Variants in FBXL17 observed in about 807,000 individuals in gnomAD.
The protein encoded by FBXL17 is F-box and leucine rich repeat protein 17, also known as F-box/LRR-repeat protein 17.
A neutral mutation model predicts 66.2 loss-of-function variants in FBXL17; 22 were observed. That is an observed-to-expected ratio of 0.33 (90% confidence interval 0.24 to 0.47). FBXL17 has a LOEUF of 0.47. FBXL17 is among the 20% of genes least tolerant of loss of function. FBXL17 has a pLI of 1.00. For synonymous variants in FBXL17, 474 were observed against 400.5 expected, an observed-to-expected ratio of 1.18 and a Z score of -2.19; for missense variants, 878 against 948.2, an observed-to-expected ratio of 0.93 and a Z score of 0.97.
chr5:108,239,139 G>A (rs948554911), intron 4 of FBXL17, among the ~76,000 whole-genome samples: 1 of 152,084 alleles, frequency 6.6e-6, no homozygotes, highest in Non-Finnish European at 1.5e-5. Flanking sequence ...CACTGTAGGA[G>A]GCAGAGCAAG....
intron 6 of FBXL17, among the ~76,000 whole-genome samples, chr5:108,152,614 TCA>T (rs1476678595): frequency 3.9e-5 from 6 of 152,228 alleles, no homozygotes; most frequent in Non-Finnish European, 8.8e-5. Flanking sequence ...ACAGGATCTT[TCA>T]GTCTCATAAA....
chr5:108,213,954 G>C (rs184406250), intron 5 of FBXL17, among the ~76,000 whole-genome samples: 4 of 152,110 alleles, frequency 2.6e-5, no homozygotes, highest in Admixed American at 2.6e-4. Flanking sequence ...CCCAATCTGG[G>C]GCTTGTCTCC....
chr5:107,973,783 C>A (rs1468892753), intron 7 of FBXL17, among the ~76,000 whole-genome samples: 1 of 151,466 alleles, frequency 6.6e-6, no homozygotes, highest in Non-Finnish European at 1.5e-5. Context: ...AGGACTGAAT[C>A]CTGAATATCT....
At chr5:108,155,479 C>T (rs757058951) in intron 6 of FBXL17, among the ~76,000 whole-genome samples, 18 of 152,156 alleles carry the variant, frequency 1.2e-4, no homozygotes, top group Non-Finnish European at 8.8e-5. Context: ...CGCACCACTG[C>T]ACTCCAGCCT....
intron 6 of FBXL17, among the ~76,000 whole-genome samples, chr5:108,059,915 T>C (rs929616994): frequency 6.6e-6 from 1 of 151,806 alleles, no homozygotes. Flanking sequence ...GTTTTTCTAG[T>C]GGAAATGTAT....
At chr5:107,954,288 C>T (rs1185753834) in intron 7 of FBXL17, among the ~76,000 whole-genome samples, 3 of 152,162 alleles carry the variant, frequency 2.0e-5, no homozygotes, top group East Asian at 3.8e-4. Context: ...ATGTACATTA[C>T]CAAAATGGGG....
intron 6 of FBXL17, among the ~76,000 whole-genome samples, chr5:108,131,171 G>A (rs1415201616): frequency 2.0e-5 from 3 of 152,022 alleles, no homozygotes; most frequent in Non-Finnish European, 2.9e-5. Flanking sequence ...TCTAACCCCA[G>A]TAAATTATTA....
chr5:108,325,696 T>C (rs985388254), intron 4 of FBXL17, among the ~76,000 whole-genome samples: 2 of 152,138 alleles, frequency 1.3e-5, no homozygotes, highest in Non-Finnish European at 2.9e-5. Flanking sequence ...AATTGGATCA[T>C]AGGTACACCT....
rs565461515 is a variant in FBXL17 at position 107,989,678 on chromosome 5, T to C, written c.1822+31247A>G. On this transcript the variant is annotated intron_variant, in intron 7 of 8. Coordinates refer to ENST00000542267, the MANE Select transcript of FBXL17 (RefSeq NM_001163315.3). The stretch of plus-strand genomic sequence containing the variant: ...CCAGCTGTGGGACTGCTGGATCATA[T>C]GGTAGTTCTACGTTTAGTTTTTTTT... Among the ~76,000 whole-genome samples the C allele has an allele frequency of 2.6e-5, 4 of 152,292 alleles. No individual in the cohort carries two copies. In the East Asian group the frequency reaches 5.8e-4, roughly 22 times the overall value.
At chr5:108,366,002 T>C (rs1261060200) in intron 2 of FBXL17, among the ~76,000 whole-genome samples, 1 of 152,096 alleles carries the variant, frequency 6.6e-6, no homozygotes, top group African/African-American at 2.4e-5. Flanking sequence ...ACCCATGAAA[T>C]AGTATACATC....
At chr5:108,300,707 C>T (rs1352003203) in intron 4 of FBXL17, among the ~76,000 whole-genome samples, 1 of 151,470 alleles carries the variant, frequency 6.6e-6, no homozygotes, top group Non-Finnish European at 1.5e-5. Flanking sequence ...TAGCTTTTCT[C>T]ATTCACCCAC....
chr5:108,167,214 C>T (rs749307285), intron 6 of FBXL17, among the ~76,000 whole-genome samples: 2 of 152,084 alleles, frequency 1.3e-5, no homozygotes, highest in Non-Finnish European at 2.9e-5. Context: ...AATAAGTAAC[C>T]TTCAAGAATC....
rs913083458 is a variant in FBXL17 at position 108,347,222 on chromosome 5, A to G, written c.1506+1177T>C. ...TTGCCCCTAAGCTGCAAAGCTGAAC[A>G]GCATGTCACTGTAATGAATACTGCA... On this transcript the variant is annotated intron_variant, in intron 4 of 8. Transcript: ENST00000542267. Among the ~76,000 whole-genome samples the G allele has an allele frequency of 4.4e-4, 67 of 152,188 alleles. 1 individual carries two copies. The highest frequency in any genetic ancestry group is 7.6e-4 in the Non-Finnish European group (52 of 68,006).
chr5:108,310,193 G>T (rs907464021), intron 4 of FBXL17, among the ~76,000 whole-genome samples: 1 of 151,940 alleles, frequency 6.6e-6, no homozygotes. Context: ...CTACAATTTG[G>T]AGCTCTCACA....
chr5:108,184,883 T>C (rs954512388), intron 6 of FBXL17, among the ~76,000 whole-genome samples: 4 of 152,156 alleles, frequency 2.6e-5, no homozygotes, highest in African/African-American at 9.6e-5. Context: ...TGCTTTCTAT[T>C]TTGAAAGGAA....
At chr5:107,958,316 C>T (rs1751747737) in intron 7 of FBXL17, among the ~76,000 whole-genome samples, 2 of 151,932 alleles carry the variant, frequency 1.3e-5, no homozygotes, top group South Asian at 4.2e-4. Flanking sequence ...CAATGTTCCC[C>T]CATTTTAGTT....
At chr5:107,948,072 G>A (rs1450571576) in intron 7 of FBXL17, among the ~76,000 whole-genome samples, 1 of 151,796 alleles carries the variant, frequency 6.6e-6, no homozygotes, top group Non-Finnish European at 1.5e-5. Flanking sequence ...TTTTCTTTTA[G>A]AGAGAAACAT....
At chr5:108,099,265 G>C (rs1340887401) in intron 6 of FBXL17, among the ~76,000 whole-genome samples, 1 of 152,162 alleles carries the variant, frequency 6.6e-6, no homozygotes, top group Non-Finnish European at 1.5e-5. Flanking sequence ...ATGTGATACT[G>C]GGTACATAGA....
chr5:108,182,761 A>C (rs1043113356), intron 6 of FBXL17, among the ~76,000 whole-genome samples: 7 of 152,220 alleles, frequency 4.6e-5, no homozygotes, highest in African/African-American at 1.7e-4. Context: ...AGGAAAGGCA[A>C]AGTGAGAGCT....
Sources: gnomAD v4.1 joint callset for allele counts (sites outside exome capture counted in the v4.1 genomes callset) on GRCh38, gnomAD v4.1.1 for gene constraint, MANE v1.5 for transcripts, NCBI Gene and HGNC (gene_info 2026-07-23, HGNC 2026-07-21) for gene names.